Variants in SHPRH observed in about 807,000 individuals in gnomAD.
SHPRH encodes E3 ubiquitin-protein ligase SHPRH.
A neutral mutation model predicts 202.5 loss-of-function variants in SHPRH; 106 were observed. The ratio of observed to expected loss-of-function variants is 0.52; its 90% CI spans 0.45 to 0.62. SHPRH has a LOEUF of 0.62. Ranked by LOEUF, SHPRH falls within the 20% of genes least tolerant of loss-of-function variation. The pLI is 0.00. For missense variants in SHPRH, 1,710 were observed against 2,020.0 expected, an observed-to-expected ratio of 0.85 and a Z score of 2.94; for synonymous variants, 729 against 686.0, an observed-to-expected ratio of 1.06 and a Z score of -0.98.
intron 14 of SHPRH, 59 bp downstream of exon 14, chr6:145,932,998 T>C: frequency 5.2e-6 from 8 of 1,552,248 alleles, no homozygotes; most frequent in Non-Finnish European, 7.0e-6. Context: ...ATTTTTTCTA[T>C]AATTAACCTT....
At chr6:145,898,376 A>C (rs1782194655) in intron 25 of SHPRH, among the ~76,000 whole-genome samples, 1 of 152,200 alleles carries the variant, frequency 6.6e-6, no homozygotes, top group Non-Finnish European at 1.5e-5. Flanking sequence ...GAACTGAACT[A>C]ATATTGTTAC....
At chr6:145,933,730 T>A (rs1028705319) in intron 13 of SHPRH, among the ~76,000 whole-genome samples, 2 of 152,228 alleles carry the variant, frequency 1.3e-5, no homozygotes, top group African/African-American at 4.8e-5. Flanking sequence ...TTTCCCTTAT[T>A]TGTCTATAAC....
chr6:145,944,502 TCGAACAGGG>T (rs374375597), intron 8 of SHPRH, among the ~76,000 whole-genome samples: 57,625 of 151,696 alleles, frequency 0.38, 13,304 homozygotes, highest in Non-Finnish European at 0.5. Flanking sequence ...AGGGCTGAGG[TCGAACAGGG>T]GAGTTAAGAC....
At chr6:145,951,742 C>T in intron 3 of SHPRH, 1 of 454,200 alleles carries the variant, frequency 2.2e-6, no homozygotes, top group Non-Finnish European at 4.4e-6. Context: ...TTCAAATACT[C>T]CAGTATGACA....
In SHPRH at chr6:145,935,443, TG is replaced by T. The variant is rs1785966201; in HGVS notation, c.2570-3del. 6.2e-7 allele frequency: 1 copy of T among 1,612,446 alleles called. No individual in the cohort carries two copies. The highest frequency in any genetic ancestry group is 1.3e-5 in the African/African-American group (1 of 74,824). On this transcript the variant is annotated splice_region_variant and splice_polypyrimidine_tract_variant and intron_variant, in intron 11 of 29. Transcript: ENST00000275233. ...GAAAGACCACTAACCCAAAAAGATC[TG>T]AAAAGAAAAAATAAAATACATTGAG...
chr6:145,941,936 C>T (rs1010600535), intron 9 of SHPRH, 62 bp from the exon 10 acceptor site: 16 of 1,574,740 alleles, frequency 1.0e-5, no homozygotes, highest in African/African-American at 1.3e-5. Context: ...ATGAAATATT[C>T]ACTCATTTAT....
At chr6:145,954,038 A>G (rs984169251) in intron 2 of SHPRH, among the ~76,000 whole-genome samples, 1 of 151,896 alleles carries the variant, frequency 6.6e-6, no homozygotes. Flanking sequence ...GAGAGGGCAC[A>G]TAATACTACC....
At chr6:145,872,329 G>C (rs1387641039) in intron 2 of SHPRH, among the ~76,000 whole-genome samples, 1 of 151,844 alleles carries the variant, frequency 6.6e-6, no homozygotes, top group African/African-American at 2.4e-5. Flanking sequence ...AATCTATAAG[G>C]AACTTAAACA....
intron 18 of SHPRH, 124 bp from the exon 19 acceptor site, chr6:145,922,960 A>G: frequency 1.3e-6 from 1 of 749,206 alleles, no homozygotes; most frequent in South Asian, 2.2e-5. Flanking sequence ...TTTTTTTTTT[A>G]ACAGCAACAT....
At chr6:145,954,490 T>G (rs914438396) in intron 2 of SHPRH, among the ~76,000 whole-genome samples, 200 bp downstream of exon 2, 2 of 152,124 alleles carry the variant, frequency 1.3e-5, no homozygotes, top group African/African-American at 4.8e-5. Flanking sequence ...AAAGTAGAGA[T>G]GGAAGATCTT....
chr6:145,893,286 C>T lies in SHPRH; in HGVS notation c.4803G>A (p.Leu1601=). 6.2e-7 allele frequency: 1 copy of T among 1,605,598 alleles called. No individual in the cohort carries two copies. The highest frequency in any genetic ancestry group is 8.5e-7 in the Non-Finnish European group (1 of 1,176,362). Residue 1601 remains leucine (L), a synonymous_variant, in exon 28 of 30, where the codon TTG becomes TTA. Transcript: ENST00000275233. ...GGGCAGGGTTCAATATGGGCTCCAC[C>T]AAGAGAACATGAGTTGCTTCAATGA... The part of the protein sequence containing the change: ...LTIIEATHVL[L]VEPILNPAHE...
At chr6:145,883,388 G>A (rs1295131852), downstream of SHPRH, 1 of 152,238 alleles carries the variant, frequency 6.6e-6, no homozygotes, top group East Asian at 1.9e-4. Flanking sequence ...GGGAAGGCTG[G>A]AGATGGCAAC....
At chr6:145,873,195 T>TA (rs113713830) in intron 2 of SHPRH, among the ~76,000 whole-genome samples, 14 of 149,714 alleles carry the variant, frequency 9.4e-5, no homozygotes, top group Admixed American at 2.7e-4. Context: ...AAGTTGGAAA[T>TA]AAAAAAAAAA....
intron 6 of SHPRH, 110 bp downstream of exon 6, chr6:145,947,383 C>T (rs1582804108): frequency 2.4e-6 from 3 of 1,248,312 alleles, no homozygotes; most frequent in East Asian, 5.0e-5. Flanking sequence ...AATCATTACC[C>T]ACAGAGTGAA....
chr6:145,875,492 T>C (rs192385359), intron 2 of SHPRH, among the ~76,000 whole-genome samples: 5 of 152,334 alleles, frequency 3.3e-5, no homozygotes, highest in East Asian at 3.9e-4. Flanking sequence ...TACTCAATAT[T>C]TGAATGCTGA....
chr6:145,891,086 A>T (rs577421147), intron 28 of SHPRH, among the ~76,000 whole-genome samples: 1 of 152,198 alleles, frequency 6.6e-6, no homozygotes, highest in South Asian at 2.1e-4. Flanking sequence ...CTTAAGTGAG[A>T]TATGCCAAGC....
intron 14 of SHPRH, among the ~76,000 whole-genome samples, chr6:145,930,199 A>T (rs1160339766): frequency 6.6e-6 from 1 of 152,108 alleles, no homozygotes; most frequent in East Asian, 1.9e-4. Context: ...TATGCTAAAG[A>T]GCTAACAACT....
At chr6:145,904,756 T>C (rs947648500) in intron 25 of SHPRH, 1 of 152,116 alleles carries the variant, frequency 6.6e-6, no homozygotes, top group Admixed American at 6.6e-5. Flanking sequence ...GAAAAGGAAA[T>C]GTAATTACAT....
In SHPRH at chr6:145,945,593, T is replaced by C; in HGVS notation, c.1366A>G (p.Lys456Glu). The C allele has an allele frequency of 3.7e-6, 6 of 1,612,512 alleles. No individual in the cohort carries two copies. The highest frequency in any genetic ancestry group is 5.1e-6 in the Non-Finnish European group (6 of 1,179,388). Residue 456 changes from lysine (K) to glutamate (E), a missense_variant, in exon 8 of 30, where the codon AAA becomes GAA. Around this residue, in one of 8 missense-constraint regions of SHPRH, gnomAD observed 348 missense variants for 356.9 expected, o/e 0.97. Coordinates refer to ENST00000275233, the MANE Select transcript of SHPRH (RefSeq NM_001042683.3). ...ILTAVKEMNGKKGVSILSIYK... is the reference protein window; with the variant it reads ...ILTAVKEMNGEKGVSILSIYK... The stretch of plus-strand genomic sequence containing the variant: ...ATGGAAAGGATGGACACTCCTTTTT[T>C]TCCATTCATTTCTTTCACAGCTGTC...
Sources: gnomAD v4.1 joint callset for allele counts (sites outside exome capture counted in the v4.1 genomes callset) on GRCh38, gnomAD v4.1.1 for gene constraint, gnomAD v4.1.1 regional missense constraint, MANE v1.5 for transcripts, NCBI Gene and HGNC (gene_info 2026-07-23, HGNC 2026-07-21) for gene names.